Variants in CRIPTO3 observed in about 807,000 individuals in gnomAD.
The protein encoded by CRIPTO3 is protein CRIPTO3.
chrX:110,521,507 G>A, the CRIPTO3 span: 1 of 1,211,609 alleles, frequency 8.3e-7, no homozygotes, highest in Non-Finnish European at 1.1e-6. Context: ...GGCTGCCCAA[G>A]AAGTGTTCCC....
the CRIPTO3 span, chrX:110,521,152 G>T: frequency 1.8e-6 from 2 of 1,134,329 alleles, no homozygotes; most frequent in East Asian, 6.0e-5. Context: ...AAGATGGTCC[G>T]CTTCTCTTAC....
the CRIPTO3 span, chrX:110,522,670 A>G: frequency 9.0e-6 from 1 of 111,527 alleles, no homozygotes; most frequent in East Asian, 2.8e-4. Context: ...TCCCAAAGGC[A>G]TTGTAAAAAG....
At chrX:110,522,839 T>C in the CRIPTO3 span, 1 of 109,158 alleles carries the variant, frequency 9.2e-6, no homozygotes, top group African/African-American at 3.4e-5. Flanking sequence ...AACTACATAT[T>C]GTAAAGCCCA....
At chrX:110,521,347 A>G in the CRIPTO3 span, 1 of 1,211,121 alleles carries the variant, frequency 8.3e-7, no homozygotes, top group East Asian at 3.0e-5. Context: ...ATGGGAATAC[A>G]GCACAGTAAG....
At chrX:110,522,204 C>G in the CRIPTO3 span, 1 of 192,025 alleles carries the variant, frequency 5.2e-6, no homozygotes, top group Non-Finnish European at 9.5e-6. Context: ...GTGATCCACT[C>G]GCCTCGGCCT....
chrX:110,520,927 G>A, the CRIPTO3 span: 1 of 437,119 alleles, frequency 2.3e-6, no homozygotes, highest in Middle Eastern at 6.4e-4. Context: ...AGGTCAAAAC[G>A]TCCAAGGCCG....
chrX:110,522,166 G>T, the CRIPTO3 span: 1 of 240,528 alleles, frequency 4.2e-6, no homozygotes, highest in Non-Finnish European at 7.3e-6. Flanking sequence ...CACCATATTG[G>T]CCAGCCTGGT....
the CRIPTO3 span, chrX:110,522,552 C>A: frequency 1.8e-5 from 2 of 110,626 alleles, no homozygotes; most frequent in African/African-American, 6.6e-5. Context: ...AAATGGGTTA[C>A]TTGATTGGTG....
At chrX:110,521,514 T>A in the CRIPTO3 span, 1 of 1,210,050 alleles carries the variant, frequency 8.3e-7, no homozygotes, top group Non-Finnish European at 1.1e-6. Flanking sequence ...CAAGAAGTGT[T>A]CCCTGTGTAA....
the CRIPTO3 span, chrX:110,521,339 G>A: frequency 5.8e-6 from 7 of 1,209,017 alleles, no homozygotes; most frequent in Non-Finnish European, 6.7e-6. Context: ...TGCTGCCCAT[G>A]GGAATACAGC....
At chrX:110,521,847 T>C in the CRIPTO3 span, 1 of 525,217 alleles carries the variant, frequency 1.9e-6, no homozygotes, top group Non-Finnish European at 3.3e-6. Context: ...GTCTCTAACA[T>C]TTCCTTACAG....
the CRIPTO3 span, chrX:110,521,989 T>A: frequency 2.3e-6 from 1 of 432,347 alleles, no homozygotes; most frequent in Non-Finnish European, 4.0e-6. Context: ...GGAGTCTCAC[T>A]CTGTCACCCA....
the CRIPTO3 span, chrX:110,521,517 C>T: frequency 5.0e-6 from 6 of 1,210,225 alleles, no homozygotes; most frequent in Non-Finnish European, 6.7e-6. Context: ...GAAGTGTTCC[C>T]TGTGTAAATG....
chrX:110,521,830 C>T, the CRIPTO3 span: 1 of 570,415 alleles, frequency 1.8e-6, no homozygotes. Context: ...AATACATTTC[C>T]AAAACGGTCT....
chrX:110,521,820 A>C, the CRIPTO3 span: 1 of 607,090 alleles, frequency 1.6e-6, no homozygotes, highest in Admixed American at 2.4e-5. Flanking sequence ...TAAAATAATG[A>C]ATACATTTCC....
the CRIPTO3 span, chrX:110,521,952 C>T: frequency 2.3e-6 from 1 of 437,918 alleles, no homozygotes; most frequent in East Asian, 3.7e-5. Flanking sequence ...GTGCCCAAGT[C>T]CAGTGTTTCT....
chrX:110,521,777 C>T, the CRIPTO3 span: 2 of 795,136 alleles, frequency 2.5e-6, no homozygotes, highest in Non-Finnish European at 3.9e-6. Context: ...GCTACAATGT[C>T]CTAACTGAAA....
the CRIPTO3 span, chrX:110,522,919 A>G: frequency 1.8e-5 from 2 of 108,997 alleles, no homozygotes; most frequent in African/African-American, 6.6e-5. Flanking sequence ...AAAAAAAAAA[A>G]AAAAAAGAAA....
chrX:110,521,901 A>G, the CRIPTO3 span: 1 of 445,040 alleles, frequency 2.2e-6, no homozygotes, highest in East Asian at 3.7e-5. Flanking sequence ...CTCCCAAAAA[A>G]CTACTTCTTT....
Sources: gnomAD v4.1 joint callset for allele counts on GRCh38, gnomAD v4.1.1 for gene constraint, MANE v1.5 for transcripts, NCBI Gene and HGNC (gene_info 2026-07-23, HGNC 2026-07-21) for gene names.